Variants in AGMO observed in about 807,000 individuals in gnomAD.
AGMO encodes the protein glyceryl-ether monooxygenase.
A neutral mutation model predicts 60.2 loss-of-function variants in AGMO; 75 were observed. That is an observed-to-expected ratio of 1.25 (90% CI 1.03 to 1.51). The LOEUF (loss-of-function observed/expected upper bound fraction) is 1.51. Ranked by LOEUF, AGMO falls within the 40% of genes most tolerant of loss-of-function variation. The probability of loss-of-function intolerance (pLI) is 0.00; values close to 1 mark genes in which losing one functional copy is unlikely to be tolerated. For synonymous variants in AGMO, 261 were observed against 177.1 expected, an observed-to-expected ratio of 1.47 and a Z score of -3.76; for missense variants, 763 against 525.5, an observed-to-expected ratio of 1.45 and a Z score of -4.42.
the AGMO span, among the ~76,000 whole-genome samples, chr7:15,182,641 G>A: frequency 1.3e-5 from 2 of 152,032 alleles, no homozygotes; most frequent in East Asian, 3.9e-4. Context: ...GGTCTTGAAC[G>A]CCTGAGCTCA....
intron 2 of AGMO, among the ~76,000 whole-genome samples, chr7:15,553,572 A>G (rs1785039020): frequency 6.6e-6 from 1 of 151,874 alleles, no homozygotes; most frequent in Admixed American, 6.6e-5. Flanking sequence ...AGCCTTATAA[A>G]TATTCCCTCA....
intron 3 of AGMO, among the ~76,000 whole-genome samples, chr7:15,539,299 C>A (rs1025183167): frequency 2.0e-5 from 3 of 152,028 alleles, no homozygotes; most frequent in African/African-American, 7.3e-5. Context: ...TTTCTCCCAC[C>A]CGCCACCCTC....
chr7:15,159,118 C>G, the AGMO span, among the ~76,000 whole-genome samples: 1 of 151,940 alleles, frequency 6.6e-6, no homozygotes, highest in East Asian at 1.9e-4. Context: ...TATTTTATTC[C>G]AAATAACACC....
chr7:15,350,070 G>A (rs913066149), intron 12 of AGMO, among the ~76,000 whole-genome samples: 4 of 152,112 alleles, frequency 2.6e-5, no homozygotes, highest in Admixed American at 2.0e-4. Context: ...CACAAATCAT[G>A]AAACTGAGAA....
At chr7:15,168,018 C>T in the AGMO span, among the ~76,000 whole-genome samples, 1 of 152,112 alleles carries the variant, frequency 6.6e-6, no homozygotes, top group Non-Finnish European at 1.5e-5. Context: ...GGTGCAGAGG[C>T]TAAATATATC....
At chr7:15,127,506 C>A in the AGMO span, among the ~76,000 whole-genome samples, 1 of 152,110 alleles carries the variant, frequency 6.6e-6, no homozygotes, top group Admixed American at 6.6e-5. Flanking sequence ...TTATTAAATT[C>A]ACTCTAATAG....
At chr7:15,532,790 A>T (rs114820426) in intron 3 of AGMO, among the ~76,000 whole-genome samples, 2,025 of 152,218 alleles carry the variant, frequency 0.013, 42 homozygotes, top group African/African-American at 0.047. Context: ...CAGAAGTTCA[A>T]GAACAGCCTG....
At chr7:15,277,550 A>C (rs1001087565) in intron 12 of AGMO, among the ~76,000 whole-genome samples, 3 of 151,316 alleles carry the variant, frequency 2.0e-5, no homozygotes, top group Non-Finnish European at 4.4e-5. Context: ...TTTCTATTTT[A>C]AATTTTCTCC....
chr7:15,340,113 T>C (rs1196125319), intron 12 of AGMO, among the ~76,000 whole-genome samples: 4 of 152,164 alleles, frequency 2.6e-5, no homozygotes, highest in South Asian at 2.1e-4. Flanking sequence ...CAATAAGGTA[T>C]CTTGAGGATG....
chr7:15,542,771 T>G (rs1247907532), intron 3 of AGMO, among the ~76,000 whole-genome samples: 1 of 152,208 alleles, frequency 6.6e-6, no homozygotes, highest in Non-Finnish European at 1.5e-5. Context: ...GGAGTAGCCT[T>G]TGCATTTATA....
chr7:15,383,398 G>C (rs993586626), intron 10 of AGMO, among the ~76,000 whole-genome samples: 5 of 151,860 alleles, frequency 3.3e-5, no homozygotes, highest in Admixed American at 1.3e-4. Context: ...ACTCTGCGTT[G>C]AATTTCTGCC....
intron 2 of AGMO, among the ~76,000 whole-genome samples, chr7:15,549,482 C>T (rs1260540727): frequency 6.6e-6 from 1 of 151,776 alleles, no homozygotes; most frequent in South Asian, 2.1e-4. Flanking sequence ...ACCTACCAAG[C>T]AAATGGAAAA....
chr7:15,485,968 A>T (rs756951630), intron 3 of AGMO, among the ~76,000 whole-genome samples: 8 of 152,100 alleles, frequency 5.3e-5, no homozygotes, highest in Non-Finnish European at 1.0e-4. Context: ...ATACTTTACC[A>T]CATCTTTACT....
At position 15,354,432 on chromosome 7, in the gene AGMO, GTGTGTATACACA is replaced by G. The variant is rs1218616219; in HGVS notation, c.1263+11070_1263+11081del. Reference sequence around the variant, plus strand: ...CACACGTGTGTGTATACACACACGTGTGTGTATACACACGTGTGTGTATACACACGTGTGTGT... The same window carrying G: ...CACACGTGTGTGTATACACACACGTGCGTGTGTGTATACACACGTGTGTGT... On this transcript the variant is annotated intron_variant, in intron 12 of 12. Coordinates refer to ENST00000342526, the MANE Select transcript of AGMO (RefSeq NM_001004320.2). Among the ~76,000 whole-genome samples, 192 of 22,580 alleles carry G rather than the reference GTGTGTATACACA, an allele frequency of 8.5e-3. 22 individuals carry two copies. Among genetic ancestry groups the G allele is most frequent in the African/African-American group, 0.069 (168 of 2,426 alleles). The allele number at this position is 22,580 out of a possible 152,430, so 14.8% of individuals were successfully genotyped here. A position where few individuals can be genotyped will look rare whatever the true frequency, so the allele number is the denominator to read the frequency against.
intron 5 of AGMO, among the ~76,000 whole-genome samples, chr7:15,400,508 G>C (rs1254723745): frequency 1.3e-5 from 2 of 152,166 alleles, no homozygotes; most frequent in African/African-American, 4.8e-5. Flanking sequence ...TACTGTTCAG[G>C]AGGAAAACAC....
chr7:15,465,378 T>A (rs1312642343), intron 3 of AGMO, among the ~76,000 whole-genome samples: 2 of 149,856 alleles, frequency 1.3e-5, no homozygotes, highest in African/African-American at 4.9e-5. Context: ...TATATATGAA[T>A]AAATATGTGA....
chr7:15,561,981 G>T lies in AGMO; in HGVS notation c.-136C>A. On this transcript the variant is annotated 5_prime_UTR_variant, in exon 1 of 13. Transcript: ENST00000342526. Reference sequence around the variant, plus strand: ...GAACAGCTAAAACCAAAGCTCCACTGAGAGCACACTCAACAGCCGATTCTG... The same window carrying T: ...GAACAGCTAAAACCAAAGCTCCACTTAGAGCACACTCAACAGCCGATTCTG... The T allele has an allele frequency of 1.2e-6, 1 of 829,570 alleles. No individual in the cohort carries two copies. Among genetic ancestry groups the T allele is most frequent in the Non-Finnish European group, 1.8e-6 (1 of 555,676 alleles). 51.4% of individuals were successfully genotyped at this position (829,570 alleles called of 1,614,324 possible). A position where few individuals can be genotyped will look rare whatever the true frequency, so the allele number is the denominator to read the frequency against.
chr7:15,296,655 T>C (rs1243512982), intron 12 of AGMO, among the ~76,000 whole-genome samples: 1 of 152,146 alleles, frequency 6.6e-6, no homozygotes, highest in African/African-American at 2.4e-5. Flanking sequence ...ACAAACACAT[T>C]ATAAAAGGAC....
chr7:15,512,072 A>AT (rs1783690667), intron 3 of AGMO, among the ~76,000 whole-genome samples: 1 of 152,104 alleles, frequency 6.6e-6, no homozygotes, highest in South Asian at 2.1e-4. Flanking sequence ...TTTTAATAAG[A>AT]TAACTATGAC....
Sources: gnomAD v4.1 joint callset for allele counts (sites outside exome capture counted in the v4.1 genomes callset) on GRCh38, gnomAD v4.1.1 for gene constraint, MANE v1.5 for transcripts, NCBI Gene and HGNC (gene_info 2026-07-23, HGNC 2026-07-21) for gene names.